TFB2M: variants seen among roughly 807,000 people sequenced by gnomAD.
TFB2M encodes the protein dimethyladenosine transferase 2, mitochondrial.
Under a neutral mutation model 41.3 loss-of-function variants are expected in TFB2M, and 44 were observed. The ratio of observed to expected loss-of-function variants is 1.07; its 90% confidence interval spans 0.84 to 1.37. The LOEUF (loss-of-function observed/expected upper bound fraction) is 1.37. Ranked by LOEUF, TFB2M falls within the 40% of genes most tolerant of loss-of-function variation. TFB2M has a pLI of 0.00. For missense variants in TFB2M, 496 were observed against 490.2 expected (o/e 1.01, Z -0.11); for synonymous variants, 188 against 176.8 (o/e 1.06, Z -0.50).
At chr1:246,548,421 A>G in intron 6 of TFB2M, 124 bp downstream of exon 6, 1 of 756,082 alleles carries the variant, frequency 1.3e-6, no homozygotes, top group Non-Finnish European at 2.0e-6. Flanking sequence ...GATATGTTTA[A>G]AGAATGTTTC....
At chr1:246,564,179 C>T (rs1659528800) in intron 2 of TFB2M, among the ~76,000 whole-genome samples, 167 bp downstream of exon 2, 1 of 152,212 alleles carries the variant, frequency 6.6e-6, no homozygotes, top group Admixed American at 6.5e-5. Context: ...CATTCAACAG[C>T]ACTGAATATT....
rs987445913 is a variant in TFB2M at position 246,556,732 on chromosome 1, T to C, written c.557-11A>G. The C allele has an allele frequency of 1.9e-6, 3 of 1,543,456 alleles. No homozygotes were observed. The highest frequency in any genetic ancestry group is 2.6e-6 in the Non-Finnish European group (3 of 1,156,912). On this transcript the variant is annotated splice_polypyrimidine_tract_variant and intron_variant, in intron 3 of 7. Coordinates refer to ENST00000366514, the MANE Select transcript of TFB2M (RefSeq NM_022366.3). The stretch of plus-strand genomic sequence containing the variant: ...CTTTTAAAGGGATGTCTGTTAGGAA[T>C]ATAAGCAAAAAGATTTGAATAAAGT...
chr1:246,555,264 G>A (rs1337714898), intron 4 of TFB2M, among the ~76,000 whole-genome samples: 4 of 152,240 alleles, frequency 2.6e-5, no homozygotes, highest in South Asian at 2.1e-4. Flanking sequence ...CATCCACGAC[G>A]GATAACAAAC....
At chr1:246,563,358 C>A (rs1659508259) in intron 2 of TFB2M, among the ~76,000 whole-genome samples, 1 of 152,222 alleles carries the variant, frequency 6.6e-6, no homozygotes. Flanking sequence ...AATCCCAGCA[C>A]TTTGGGAGGC....
At chr1:246,551,651 T>C (rs1363552699) in intron 4 of TFB2M, among the ~76,000 whole-genome samples, 2 of 151,568 alleles carry the variant, frequency 1.3e-5, no homozygotes, top group Non-Finnish European at 2.9e-5. Flanking sequence ...AGCCTAGAAG[T>C]TCAAGACCAG....
chr1:246,543,406 G>A (rs558174021), intron 7 of TFB2M, among the ~76,000 whole-genome samples: 1 of 151,938 alleles, frequency 6.6e-6, no homozygotes, highest in Admixed American at 6.5e-5. Context: ...AGATGGCTGG[G>A]CGCGGGAGCT....
At chr1:246,558,392 C>G (rs970767661) in intron 2 of TFB2M, among the ~76,000 whole-genome samples, 1 of 151,994 alleles carries the variant, frequency 6.6e-6, no homozygotes, top group African/African-American at 2.4e-5. Flanking sequence ...AGAGATCTGC[C>G]CACCTTGACC....
Position 246,566,197 on chromosome 1 carries a change from C to G in TFB2M, c.-59G>C. ...CTAGTGCAGCTACTACAGTGAACCC[C>G]ACGCAGGGTATCCCACGTGGAACAT... On this transcript the variant is annotated 5_prime_UTR_variant, in exon 1 of 8. Transcript: ENST00000366514. 1 of 1,531,224 alleles carries G rather than the reference C, an allele frequency of 6.5e-7. No homozygotes were observed. 94.9% of individuals were successfully genotyped at this position (1,531,224 alleles called of 1,614,324 possible).
intron 2 of TFB2M, among the ~76,000 whole-genome samples, chr1:246,559,978 A>G (rs1034772095): frequency 6.6e-6 from 1 of 152,212 alleles, no homozygotes; most frequent in Non-Finnish European, 1.5e-5. Flanking sequence ...GTCAACACGC[A>G]TGGCAAGGCT....
intron 6 of TFB2M, among the ~76,000 whole-genome samples, chr1:246,546,821 C>T (rs201056196): frequency 9.7e-5 from 14 of 144,468 alleles, no homozygotes; most frequent in African/African-American, 3.5e-4. Flanking sequence ...GCCCTAAAAA[C>T]CTGTTAAATG....
chr1:246,558,157 CTT>C (rs11438177), intron 2 of TFB2M, among the ~76,000 whole-genome samples: 10 of 140,962 alleles, frequency 7.1e-5, no homozygotes, highest in East Asian at 2.0e-4. Flanking sequence ...TATCTGTTTA[CTT>C]TTTTTTTTTT....
rs916789379 is a variant in TFB2M, at chr1:246,541,130, G to C, written c.1092C>G (p.Asn364Lys). 47 of 1,613,952 alleles carry C rather than the reference G, an allele frequency of 2.9e-5. No homozygotes were observed. The highest frequency in any genetic ancestry group is 3.6e-5 in the Non-Finnish European group (43 of 1,179,956). ...GTGTTTTGAAGTCTTGAGGGTGCAT[G>C]TTAACTACTTTCTCATCCTCCTGTT... ...IGKQEDEKVVNMHPQDFKTLF... is the reference protein window; with the variant it reads ...IGKQEDEKVVKMHPQDFKTLF... Residue 364 changes from asparagine to lysine, a missense_variant, in exon 8 of 8, where the codon AAC becomes AAG. By Grantham distance (94) the Asn-to-Lys change is moderately conservative. Coordinates refer to ENST00000366514, the MANE Select transcript of TFB2M (RefSeq NM_022366.3).
intron 6 of TFB2M, among the ~76,000 whole-genome samples, chr1:246,545,436 G>A (rs1658989440): frequency 2.0e-5 from 3 of 152,022 alleles, no homozygotes; most frequent in African/African-American, 7.2e-5. Flanking sequence ...GAGGTGGGAG[G>A]ATGGCTTGAG....
rs1244524419 is a variant in TFB2M at position 246,540,900 on chromosome 1, A to C, written c.*131T>G. On this transcript the variant is annotated 3_prime_UTR_variant, in exon 8 of 8. Coordinates refer to ENST00000366514, the MANE Select transcript of TFB2M (RefSeq NM_022366.3). ...AAGCCAATGATATCAGCTTAGGAGA[A>C]ATGATCTGCCTGGCTTGTGCAAGAC... 1 of 784,854 alleles carries C rather than the reference A, an allele frequency of 1.3e-6. No homozygotes were observed. Among genetic ancestry groups the C allele is most frequent in the African/African-American group, 1.8e-5 (1 of 56,556 alleles). The allele number at this position is 784,854 out of a possible 1,614,324, so 48.6% of individuals were successfully genotyped here.
intron 1 of TFB2M, among the ~76,000 whole-genome samples, chr1:246,565,266 G>A (rs1296105693): frequency 6.6e-6 from 1 of 152,242 alleles, no homozygotes; most frequent in Non-Finnish European, 1.5e-5. Flanking sequence ...GCAGAGGCTT[G>A]CAACTCTTTT....
At chr1:246,549,867 C>A (rs1659124185) in intron 5 of TFB2M, among the ~76,000 whole-genome samples, 1 of 152,284 alleles carries the variant, frequency 6.6e-6, no homozygotes, top group East Asian at 1.9e-4. Context: ...AAAGCACCAT[C>A]AGCCGTGCAC....
rs546228810 is a variant in TFB2M at position 246,553,412 on chromosome 1, G to A, written c.706-2110C>T. On this transcript the variant is annotated intron_variant, in intron 4 of 7. Coordinates refer to ENST00000366514, the MANE Select transcript of TFB2M (RefSeq NM_022366.3). Reference sequence around the variant, plus strand: ...AGGCCAGGCACAGTGGCTCACACCTGCAATCCCAGCACCTCAGGAGACTGA... The same window carrying A: ...AGGCCAGGCACAGTGGCTCACACCTACAATCCCAGCACCTCAGGAGACTGA... Among the ~76,000 whole-genome samples the A allele has an allele frequency of 1.3e-4, 20 of 152,324 alleles. 1 individual carries two copies. In the East Asian group the frequency reaches 2.7e-3, roughly 21 times the overall value.
intron 2 of TFB2M, among the ~76,000 whole-genome samples, chr1:246,559,749 G>A (rs960395888): frequency 5.9e-5 from 9 of 152,166 alleles, no homozygotes; most frequent in African/African-American, 2.2e-4. Flanking sequence ...CAGTGGAGTG[G>A]TCCAGTCTGA....
At chr1:246,546,983 A>ACACACACT (rs764498048) in intron 6 of TFB2M, among the ~76,000 whole-genome samples, 2 of 127,180 alleles carry the variant, frequency 1.6e-5, no homozygotes, top group African/African-American at 5.9e-5. Context: ...ACACACACAC[A>ACACACACT]TTTTTTTTTT....
Sources: allele counts gnomAD v4.1 joint callset (sites outside exome capture counted in the v4.1 genomes callset), GRCh38; gene constraint gnomAD v4.1.1; transcripts MANE v1.5; gene names NCBI Gene and HGNC (gene_info 2026-07-23, HGNC 2026-07-21).